PIGH: variants seen among roughly 807,000 people sequenced by gnomAD.
PIGH encodes phosphatidylinositol N-acetylglucosaminyltransferase subunit H.
PIGH carries 11 observed loss-of-function variants against 20.1 expected under a neutral mutation model. The ratio of observed to expected loss-of-function variants is 0.55; its 90% CI spans 0.34 to 0.91. The LOEUF is 0.91. PIGH is among the 40% of genes least tolerant of loss of function. The probability of loss-of-function intolerance (pLI) is 0.02; values close to 1 mark genes in which losing one functional copy is unlikely to be tolerated. For missense variants in PIGH, 189 were observed against 233.6 expected, an observed-to-expected ratio of 0.81 and a Z score of 1.24; for synonymous variants, 72 against 93.1, an observed-to-expected ratio of 0.77 and a Z score of 1.31.
intron 1 of PIGH, among the ~76,000 whole-genome samples, chr14:67,599,535 A>G (rs10133858): frequency 3.3e-5 from 5 of 152,306 alleles, no homozygotes; most frequent in East Asian, 3.9e-4. Context: ...AGGAAGAACT[A>G]TAACACTCTA....
At chr14:67,595,431 C>A (rs1178189291) in intron 1 of PIGH, among the ~76,000 whole-genome samples, 3 of 152,192 alleles carry the variant, frequency 2.0e-5, no homozygotes, top group Non-Finnish European at 4.4e-5. Context: ...AAATCATAGA[C>A]TGAACAATTA....
rs758540518 is a variant in PIGH, at chr14:67,589,739, A to G, written c.*341T>C. ...TCAAGACATCTGATGTCAGTTTCCCATTGTTTTGCTTCACAAACATCAACA... is the reference window on the plus strand; with the variant it reads ...TCAAGACATCTGATGTCAGTTTCCCGTTGTTTTGCTTCACAAACATCAACA... On this transcript the variant is annotated 3_prime_UTR_variant, in exon 4 of 4. Coordinates refer to ENST00000216452, the MANE Select transcript of PIGH (RefSeq NM_004569.5). 1.4e-4 allele frequency: 142 copies of G among 1,016,218 alleles called. No homozygotes were observed. The highest frequency in any genetic ancestry group is 1.7e-4 in the Non-Finnish European group (142 of 850,522). The allele number at this position is 1,016,218 out of a possible 1,614,324, so 63.0% of individuals were successfully genotyped here.
chr14:67,593,149 T>C (rs2036407487), intron 2 of PIGH: 1 of 162,540 alleles, frequency 6.2e-6, no homozygotes, highest in Admixed American at 5.9e-5. Context: ...AGTAGAACAC[T>C]TGATAGCTTT....
chr14:67,598,732 CAG>C (rs919903705), intron 1 of PIGH, among the ~76,000 whole-genome samples: 3 of 103,744 alleles, frequency 2.9e-5, no homozygotes, highest in African/African-American at 3.4e-5. Flanking sequence ...TTTTTTGAGA[CAG>C]AGTCTCCCTC....
chr14:67,596,295 A>T (rs1193428881), intron 1 of PIGH, among the ~76,000 whole-genome samples: 2 of 60,222 alleles, frequency 3.3e-5, no homozygotes, highest in African/African-American at 7.0e-5. Flanking sequence ...CGCCCAGCTA[A>T]TTTTTTTTTT....
At chr14:67,593,014 C>T (rs536274435) in intron 2 of PIGH, among the ~76,000 whole-genome samples, 13 of 152,224 alleles carry the variant, frequency 8.5e-5, no homozygotes, top group Admixed American at 7.2e-4. Flanking sequence ...CTGGAACTCC[C>T]GACCTTAGGT....
intron 3 of PIGH, chr14:67,592,167 G>A: frequency 4.9e-6 from 1 of 205,896 alleles, no homozygotes; most frequent in Non-Finnish European, 1.0e-5. Flanking sequence ...AGGTATGCTG[G>A]CTCATGCTTG....
chr14:67,589,941 T>C lies in PIGH; in HGVS notation c.*139A>G. ...GAGTTAGATTTCCAGTCACCTGCTC[T>C]ATGGCTCTAAGATGCACTACATCCA... is the stretch of plus-strand genomic sequence containing the variant. On this transcript the variant is annotated 3_prime_UTR_variant, in exon 4 of 4. Coordinates refer to ENST00000216452, the MANE Select transcript of PIGH (RefSeq NM_004569.5). 1 of 1,328,082 alleles carries C rather than the reference T, an allele frequency of 7.5e-7. No individual in the cohort carries two copies. The highest frequency in any genetic ancestry group is 2.3e-5 in the South Asian group (1 of 43,744). 82.3% of individuals were successfully genotyped at this position (1,328,082 alleles called of 1,614,324 possible).
intron 1 of PIGH, among the ~76,000 whole-genome samples, chr14:67,599,038 A>G (rs1221464868): frequency 6.6e-6 from 1 of 152,192 alleles, no homozygotes; most frequent in Non-Finnish European, 1.5e-5. Flanking sequence ...AGATAGTTAG[A>G]TAGTTTCCTG....
rs543966414 is a variant in PIGH, at chr14:67,595,822, AG to A, written c.181-1871del. Among the ~76,000 whole-genome samples the A allele has an allele frequency of 1.2e-4, 18 of 152,316 alleles. 1 individual carries two copies. The South Asian group carries it at 3.7e-3, about 32-fold the overall frequency. On this transcript the variant is annotated intron_variant, in intron 1 of 3. Transcript: ENST00000216452. ...GGTGGAGGACAAGTAGGGCACACTA[AG>A]GGTGTCAGCAGTAAGATGACAAGAG...
intron 3 of PIGH, among the ~76,000 whole-genome samples, 180 bp from the exon 4 acceptor site, chr14:67,590,352 A>G (rs949666298): frequency 2.7e-5 from 4 of 150,182 alleles, no homozygotes; most frequent in African/African-American, 7.4e-5. Context: ...TCCCAGGTTC[A>G]AGTGATTCTC....
intron 1 of PIGH, among the ~76,000 whole-genome samples, chr14:67,596,045 T>C (rs1200091927): frequency 6.6e-6 from 1 of 152,246 alleles, no homozygotes; most frequent in Non-Finnish European, 1.5e-5. Context: ...GTATAATCTT[T>C]AACATTTCTG....
Position 67,593,970 on chromosome 14 carries a change from C to T in PIGH, c.181-18G>A. ...ATGCTGTTCTGAAGAGAGAGCCAGACACAGACAGTAAGATTACCAAGTGGT... is the reference window on the plus strand; with the variant it reads ...ATGCTGTTCTGAAGAGAGAGCCAGATACAGACAGTAAGATTACCAAGTGGT... On this transcript the variant is annotated intron_variant, in intron 1 of 3. Transcript: ENST00000216452. 1 of 1,562,386 alleles carries T rather than the reference C, an allele frequency of 6.4e-7. No individual in the cohort carries two copies. Among genetic ancestry groups the T allele is most frequent in the Non-Finnish European group, 8.8e-7 (1 of 1,138,008 alleles).
chr14:67,594,648 C>CA (rs201119278), intron 1 of PIGH, among the ~76,000 whole-genome samples: 55 of 135,744 alleles, frequency 4.1e-4, no homozygotes, highest in East Asian at 1.1e-3. Flanking sequence ...TGAGACATCT[C>CA]AAAAAAAAAA....
At chr14:67,592,262 T>A (rs952614063) in intron 3 of PIGH, 24 of 392,080 alleles carry the variant, frequency 6.1e-5, no homozygotes, top group Non-Finnish European at 1.1e-4. Flanking sequence ...TGGCAAGACC[T>A]CATCTCTACT....
chr14:67,593,968 G>C lies in PIGH; in HGVS notation c.181-16C>G, dbSNP rs747583458. The C allele has an allele frequency of 6.4e-7, 1 of 1,562,498 alleles. No homozygotes were observed. The highest frequency in any genetic ancestry group is 8.8e-7 in the Non-Finnish European group (1 of 1,137,642). On this transcript the variant is annotated splice_polypyrimidine_tract_variant and intron_variant, in intron 1 of 3. Coordinates refer to ENST00000216452, the MANE Select transcript of PIGH (RefSeq NM_004569.5). ...TCATGCTGTTCTGAAGAGAGAGCCA[G>C]ACACAGACAGTAAGATTACCAAGTG...
intron 1 of PIGH, among the ~76,000 whole-genome samples, chr14:67,595,077 C>T (rs2036447207): frequency 6.6e-6 from 1 of 152,050 alleles, no homozygotes; most frequent in Non-Finnish European, 1.5e-5. Flanking sequence ...GTGGAGCTTG[C>T]AGTGAGCCGA....
chr14:67,593,496 A>T, intron 2 of PIGH: 2 of 459,160 alleles, frequency 4.4e-6, no homozygotes, highest in South Asian at 2.4e-5. Context: ...GTCTCAAAAA[A>T]AAAAAAAGAA....
In PIGH at chr14:67,600,236, C is replaced by G. The variant is rs2140657681; in HGVS notation, c.-33G>C. ...CCACTCGGCCGCCCGCACCGCGCGGCGCTGCACTGCGCTCGCCGGCCCTGG... is the reference window on the plus strand; with the variant it reads ...CCACTCGGCCGCCCGCACCGCGCGGGGCTGCACTGCGCTCGCCGGCCCTGG... On this transcript the variant is annotated 5_prime_UTR_variant, in exon 1 of 4. Coordinates refer to ENST00000216452, the MANE Select transcript of PIGH (RefSeq NM_004569.5). The G allele has an allele frequency of 6.6e-7, 1 of 1,507,354 alleles. No homozygotes were observed. Among genetic ancestry groups the G allele is most frequent in the East Asian group, 2.5e-5 (1 of 40,150 alleles). 93.4% of individuals were successfully genotyped at this position (1,507,354 alleles called of 1,614,324 possible).
Sources: gnomAD v4.1 joint callset for allele counts (sites outside exome capture counted in the v4.1 genomes callset) on GRCh38, gnomAD v4.1.1 for gene constraint, MANE v1.5 for transcripts, NCBI Gene and HGNC (gene_info 2026-07-23, HGNC 2026-07-21) for gene names.